The following OOEP variants were observed in gnomAD, a reference collection of about 807,000 sequenced individuals.
OOEP encodes the protein oocyte-expressed protein homolog.
In OOEP, 16 loss-of-function variants were observed where a neutral mutation model predicts 13.7. The observed-to-expected ratio is 1.16, with a 90% confidence interval of 0.79 to 1.77. The LOEUF (loss-of-function observed/expected upper bound fraction) is 1.77. Among genes scored for constraint, OOEP ranks in the 40% most tolerant of loss-of-function variants. The pLI, the probability that OOEP is intolerant of heterozygous loss-of-function variation, is 0.00. For missense variants in OOEP, 195 were observed against 193.1 expected (o/e 1.01, Z -0.06); for synonymous variants, 89 against 77.1 (o/e 1.15, Z -0.81).
intron 2 of OOEP, among the ~76,000 whole-genome samples, chr6:73,386,157 C>T (rs1468978059): frequency 6.8e-6 from 1 of 148,122 alleles, no homozygotes; most frequent in Non-Finnish European, 1.5e-5. Flanking sequence ...TGCAATGGCG[C>T]GATGTTGGCT....
chr6:73,371,770 A>T (rs71537128), upstream of OOEP, among the ~76,000 whole-genome samples: 95,167 of 143,056 alleles, frequency 0.67, 32,198 homozygotes, highest in Non-Finnish European at 0.79. Context: ...AAAAAATAAA[A>T]ATAAAAAAAT....
At chr6:73,377,993 A>T (rs547117424) in intron 2 of OOEP, among the ~76,000 whole-genome samples, 2 of 152,352 alleles carry the variant, frequency 1.3e-5, no homozygotes, top group South Asian at 4.1e-4. Flanking sequence ...TAGCTGTACC[A>T]GGCAGCTTTC....
intron 2 of OOEP, among the ~76,000 whole-genome samples, chr6:73,375,493 T>G (rs1769124805): frequency 6.6e-6 from 1 of 151,512 alleles, no homozygotes; most frequent in Non-Finnish European, 1.5e-5. Flanking sequence ...GGCAGGAGGA[T>G]CCCTTTAGTC....
chr6:73,392,506 G>A (rs569916712), intron 2 of OOEP, among the ~76,000 whole-genome samples: 5 of 151,144 alleles, frequency 3.3e-5, no homozygotes, highest in African/African-American at 7.3e-5. Context: ...GTTTCACCAC[G>A]TTGGTCAGGC....
intron 2 of OOEP, among the ~76,000 whole-genome samples, chr6:73,376,844 GTTTCACCA>G (rs1769145820): frequency 6.6e-6 from 1 of 152,118 alleles, no homozygotes; most frequent in African/African-American, 2.4e-5. Context: ...TAGAGAAGAG[GTTTCACCA>G]TTTTGGCCAG....
upstream of OOEP, chr6:73,373,326 C>G (rs1769089880): frequency 6.8e-7 from 1 of 1,476,442 alleles, no homozygotes; most frequent in Non-Finnish European, 9.5e-7. Context: ...TCCTTCTCTT[C>G]TTTTGTTTTC....
chr6:73,386,124 C>G (rs181580840), intron 2 of OOEP, among the ~76,000 whole-genome samples: 5 of 138,292 alleles, frequency 3.6e-5, no homozygotes, highest in African/African-American at 1.3e-4. Flanking sequence ...GACAGAGTTT[C>G]GCTCTTGTTG....
chr6:73,384,327 G>C (rs1769242996), intron 2 of OOEP, among the ~76,000 whole-genome samples: 1 of 152,088 alleles, frequency 6.6e-6, no homozygotes, highest in African/African-American at 2.4e-5. Context: ...AAAAGCTCAA[G>C]CCCAGATGGC....
intron 2 of OOEP, among the ~76,000 whole-genome samples, chr6:73,387,167 T>C (rs1008801243): frequency 2.0e-5 from 3 of 151,638 alleles, no homozygotes; most frequent in Admixed American, 6.6e-5. Context: ...TTTTAAAAAT[T>C]AGTAAGTCAG....
chr6:73,394,728 G>C (rs866810086), exon 1 of OOEP: 2 of 880,660 alleles, frequency 2.3e-6, no homozygotes, highest in Middle Eastern at 3.5e-4. Context: ...CTGGCCAATG[G>C]CTGCGTGAAA....
chr6:73,372,756 C>T (rs368405830), upstream of OOEP, among the ~76,000 whole-genome samples: 24 of 152,162 alleles, frequency 1.6e-4, no homozygotes, highest in African/African-American at 4.6e-4. Context: ...ACACTTTTCC[C>T]GCCATCTGGG....
intron 2 of OOEP, among the ~76,000 whole-genome samples, chr6:73,385,579 C>A (rs1298103190): frequency 6.6e-6 from 1 of 151,550 alleles, no homozygotes; most frequent in Non-Finnish European, 1.5e-5. Flanking sequence ...TCTTCCCCAG[C>A]CTAAATAAAA....
At chr6:73,372,243 G>A (rs183330085), upstream of OOEP, among the ~76,000 whole-genome samples, 208 of 152,240 alleles carry the variant, frequency 1.4e-3, no homozygotes, top group Non-Finnish European at 2.3e-3. Flanking sequence ...AGCCACACAG[G>A]AATAAGTTAA....
chr6:73,371,868 C>CAG (rs1243415690), upstream of OOEP, among the ~76,000 whole-genome samples: 1 of 152,134 alleles, frequency 6.6e-6, no homozygotes, highest in East Asian at 1.9e-4. Context: ...GCAGAGGTTG[C>CAG]AGTGAGCCAA....
chr6:73,379,657 A>AACAG (rs1554233274), intron 2 of OOEP, among the ~76,000 whole-genome samples: 2 of 110,930 alleles, frequency 1.8e-5, no homozygotes, highest in Non-Finnish European at 3.5e-5. Context: ...AAAAAAAAAA[A>AACAG]AAAAGTGGCC....
At chr6:73,375,432 A>G (rs1259073639) in intron 2 of OOEP, among the ~76,000 whole-genome samples, 1 of 151,776 alleles carries the variant, frequency 6.6e-6, no homozygotes, top group Admixed American at 6.6e-5. Context: ...TTAAAAATTA[A>G]CCCGGTGTGG....
chr6:73,385,009 T>C (rs1234508218), intron 2 of OOEP, among the ~76,000 whole-genome samples: 1 of 149,436 alleles, frequency 6.7e-6, no homozygotes, highest in Non-Finnish European at 1.5e-5. Flanking sequence ...AGTGCTGGGA[T>C]TACAGGTGTA....
At chr6:73,370,156 T>C (rs759567990), upstream of OOEP, 129 of 224,188 alleles carry the variant, frequency 5.8e-4, 1 homozygote, top group Non-Finnish European at 1.7e-4. Flanking sequence ...TTGACGACTC[T>C]ATTAATAGAC....
At chr6:73,388,142 G>T (rs1769299701) in intron 2 of OOEP, among the ~76,000 whole-genome samples, 1 of 152,186 alleles carries the variant, frequency 6.6e-6, no homozygotes, top group Admixed American at 6.5e-5. Flanking sequence ...CTCCCAAAGT[G>T]CTGGGATTAC....
Sources: allele counts gnomAD v4.1 joint callset (sites outside exome capture counted in the v4.1 genomes callset), GRCh38; gene constraint gnomAD v4.1.1; transcripts MANE v1.5; gene names NCBI Gene and HGNC (gene_info 2026-07-23, HGNC 2026-07-21).